Variants in DAB1 observed in about 807,000 individuals in gnomAD.
DAB1 encodes DAB adaptor protein 1.
Under a neutral mutation model 64.6 loss-of-function variants are expected in DAB1, and 15 were observed. The observed-to-expected ratio is 0.23, with a 90% confidence interval of 0.16 to 0.36. The LOEUF (loss-of-function observed/expected upper bound fraction) is 0.36, where lower values mean the gene tolerates loss of function less well. Ranked by LOEUF, DAB1 falls within the 10% of genes least tolerant of loss-of-function variation. The pLI is 1.00. For synonymous variants in DAB1, 235 were observed against 251.9 expected (o/e 0.93, Z 0.64); for missense variants, 596 against 706.7 (o/e 0.84, Z 1.78).
chr1:57,349,163 G>A (rs537533934), intron 1 of DAB1, among the ~76,000 whole-genome samples: 11 of 152,098 alleles, frequency 7.2e-5, no homozygotes, highest in East Asian at 3.9e-4. Context: ...GTAATAACTC[G>A]TCCTGTGACC....
chr1:57,316,759 C>T (rs995165085), intron 1 of DAB1, among the ~76,000 whole-genome samples: 2 of 152,188 alleles, frequency 1.3e-5, no homozygotes, highest in African/African-American at 4.8e-5. Flanking sequence ...CCATGATCCT[C>T]CTTCCTAATC....
intron 7 of DAB1, among the ~76,000 whole-genome samples, chr1:57,557,346 C>T (rs1031344190): frequency 5.9e-5 from 9 of 152,098 alleles, no homozygotes; most frequent in African/African-American, 1.2e-4. Flanking sequence ...CCTTGCTTCT[C>T]ACCCTGCAGA....
At chr1:57,290,020 T>C (rs1465415087) in intron 2 of DAB1, among the ~76,000 whole-genome samples, 3 of 152,248 alleles carry the variant, frequency 2.0e-5, no homozygotes, top group Admixed American at 1.3e-4. Context: ...CAGATATCTC[T>C]GGCTCCTCTC....
chr1:57,327,360 A>G (rs1558173386), intron 1 of DAB1, among the ~76,000 whole-genome samples: 1 of 152,174 alleles, frequency 6.6e-6, no homozygotes, highest in African/African-American at 2.4e-5. Context: ...GATGCGCACC[A>G]GTCTCTACCA....
chr1:57,160,396 A>AG (rs1398087841), intron 2 of DAB1, among the ~76,000 whole-genome samples: 2 of 152,200 alleles, frequency 1.3e-5, no homozygotes, highest in African/African-American at 4.8e-5. Flanking sequence ...TAGCAAAGGC[A>AG]GGGGCAGGTG....
chr1:57,355,509 G>T (rs1235159439), intron 1 of DAB1, among the ~76,000 whole-genome samples: 3 of 151,988 alleles, frequency 2.0e-5, no homozygotes, highest in Non-Finnish European at 4.4e-5. Context: ...CCTTAATATA[G>T]TGTGAGATAA....
At chr1:58,089,585 T>C (rs532677757) in intron 5 of DAB1, among the ~76,000 whole-genome samples, 2 of 152,204 alleles carry the variant, frequency 1.3e-5, no homozygotes, top group South Asian at 4.1e-4. Context: ...ATTCTTTACA[T>C]CCTGGCTTGG....
intron 6 of DAB1, among the ~76,000 whole-genome samples, chr1:57,747,726 G>A (rs1432736416): frequency 6.2e-5 from 9 of 146,332 alleles, no homozygotes; most frequent in South Asian, 4.4e-4. Context: ...GGAGAATGGC[G>A]TGAATCTGGG....
At chr1:58,478,392 G>C (rs1281826804) in intron 3 of DAB1, among the ~76,000 whole-genome samples, 4 of 152,152 alleles carry the variant, frequency 2.6e-5, no homozygotes, top group Non-Finnish European at 5.9e-5. Flanking sequence ...ATAGTACAAA[G>C]TATGCATTCA....
chr1:58,169,180 C>T lies in DAB1; in HGVS notation n.310-18592G>A, dbSNP rs577724510. On this transcript the variant is annotated intron_variant and non_coding_transcript_variant, in intron 4 of 20. Coordinates refer to the DAB1 transcript ENST00000485760. ...ATTCCAATCAGCAGGGTCCAGGGAC[C>T]GTTGCAGGTTCTTGGGCAAGAGGCA... Among the ~76,000 whole-genome samples, 15 of 152,204 alleles carry T rather than the reference C, an allele frequency of 9.9e-5. No homozygotes were observed. In the South Asian group the frequency reaches 1.2e-3, roughly 13 times the overall value.
chr1:57,094,860 A>ACTTAACTGAGT (rs1272420380), intron 4 of DAB1, among the ~76,000 whole-genome samples: 1 of 152,000 alleles, frequency 6.6e-6, no homozygotes, highest in Non-Finnish European at 1.5e-5. Flanking sequence ...GGTTTCTGAG[A>ACTTAACTGAGT]CTTAACTGAG....
intron 7 of DAB1, among the ~76,000 whole-genome samples, chr1:57,597,713 A>T (rs1185090020): frequency 3.3e-5 from 5 of 152,216 alleles, no homozygotes; most frequent in African/African-American, 1.2e-4. Flanking sequence ...CCTCACAGCT[A>T]ATTTTTTCTT....
At chr1:58,418,759 ATTTG>A (rs998271378) in intron 3 of DAB1, among the ~76,000 whole-genome samples, 6 of 152,062 alleles carry the variant, frequency 3.9e-5, no homozygotes, top group African/African-American at 1.4e-4. Context: ...GATGGGTGTT[ATTTG>A]TTTGGAGAGT....
At chr1:58,243,370 T>G (rs1660384909) in intron 4 of DAB1, among the ~76,000 whole-genome samples, 1 of 152,188 alleles carries the variant, frequency 6.6e-6, no homozygotes, top group Non-Finnish European at 1.5e-5. Context: ...AGCCTATGAA[T>G]AGAAATGAAT....
intron 2 of DAB1, among the ~76,000 whole-genome samples, chr1:57,222,533 G>A (rs948123880): frequency 6.6e-6 from 1 of 151,990 alleles, no homozygotes; most frequent in Non-Finnish European, 1.5e-5. Context: ...AGTAGGCTTG[G>A]GGCACTGCCA....
Position 58,298,649 on chromosome 1 carries a change from G to A in DAB1, n.309+44703C>T, listed in dbSNP as rs59426233. ...ACTGCACACATGCTGGAGATGATAA[G>A]TTAGAAAGAGTGGGAAGAGTCCGAG... On this transcript the variant is annotated intron_variant and non_coding_transcript_variant, in intron 4 of 20. Transcript: ENST00000485760. Among the ~76,000 whole-genome samples, 404 of 152,346 alleles carry A rather than the reference G, an allele frequency of 2.7e-3. 1 individual carries two copies. Among genetic ancestry groups the A allele is most frequent in the African/African-American group, 9.1e-3 (379 of 41,594 alleles).
intron 6 of DAB1, among the ~76,000 whole-genome samples, chr1:57,765,095 A>C (rs1391267537): frequency 6.6e-6 from 1 of 152,312 alleles, no homozygotes; most frequent in South Asian, 2.1e-4. Context: ...TGTTCACAGC[A>C]CCACAGCAGA....
chr1:58,451,273 T>C (rs1236252056), intron 3 of DAB1, among the ~76,000 whole-genome samples: 2 of 152,110 alleles, frequency 1.3e-5, no homozygotes, highest in African/African-American at 4.8e-5. Flanking sequence ...TTTTGATTTT[T>C]TGTAGAGGCA....
chr1:57,773,651 G>C (rs537786160), intron 6 of DAB1, among the ~76,000 whole-genome samples: 162 of 152,008 alleles, frequency 1.1e-3, no homozygotes, highest in African/African-American at 3.7e-3. Flanking sequence ...TTATGTTTGT[G>C]TATACTATCC....
Sources: gnomAD v4.1 joint callset for allele counts (sites outside exome capture counted in the v4.1 genomes callset) on GRCh38, gnomAD v4.1.1 for gene constraint, MANE v1.5 for transcripts, NCBI Gene and HGNC (gene_info 2026-07-23, HGNC 2026-07-21) for gene names.